The following CATSPERT variants were observed in gnomAD, a reference collection of about 807,000 sequenced individuals.
CATSPERT encodes the protein cation channel sperm-associated targeting subunit tau.
the CATSPERT span, among the ~76,000 whole-genome samples, chr2:201,589,011 A>G: frequency 1.3e-5 from 2 of 152,114 alleles, no homozygotes; most frequent in Admixed American, 6.6e-5. Flanking sequence ...CACAACTGCT[A>G]TAAAAAGAAT....
the CATSPERT span, among the ~76,000 whole-genome samples, chr2:201,500,872 T>A: frequency 6.6e-6 from 1 of 152,244 alleles, no homozygotes; most frequent in Non-Finnish European, 1.5e-5. Flanking sequence ...ATTTATTCTT[T>A]TACAGTAGAA....
At chr2:201,575,047 A>AT in the CATSPERT span, among the ~76,000 whole-genome samples, 1 of 137,018 alleles carries the variant, frequency 7.3e-6, no homozygotes, top group Admixed American at 7.8e-5. Flanking sequence ...AAAAAAAAAA[A>AT]AAAAAGAAGA....
At chr2:201,509,539 A>C in the CATSPERT span, among the ~76,000 whole-genome samples, 1 of 150,826 alleles carries the variant, frequency 6.6e-6, no homozygotes, top group Admixed American at 6.6e-5. Flanking sequence ...GACCCCTCAA[A>C]CCACTTCTGG....
chr2:201,535,174 A>G, the CATSPERT span: 1 of 984,620 alleles, frequency 1.0e-6, no homozygotes, highest in South Asian at 4.7e-5. Flanking sequence ...GTCTTTTGAA[A>G]TTTGGGAGAG....
At chr2:201,562,218 T>C in the CATSPERT span, among the ~76,000 whole-genome samples, 7,928 of 148,842 alleles carry the variant, frequency 0.053, 267 homozygotes, top group African/African-American at 0.077. Flanking sequence ...GATGGAGTCT[T>C]GCACTGTCTC....
the CATSPERT span, chr2:201,554,966 G>A: frequency 6.6e-6 from 1 of 152,094 alleles, no homozygotes; most frequent in South Asian, 2.1e-4. Flanking sequence ...AGTCTTTTAT[G>A]ATTAGCATGC....
At chr2:201,612,402 C>T in the CATSPERT span, among the ~76,000 whole-genome samples, 53 of 151,966 alleles carry the variant, frequency 3.5e-4, no homozygotes, top group South Asian at 1.5e-3. Flanking sequence ...GGCAAAACCC[C>T]ATCTCTACTA....
the CATSPERT span, chr2:201,603,413 T>A: frequency 0.48 from 309,651 of 650,814 alleles, 76,762 homozygotes; most frequent in East Asian, 0.7. Context: ...TTGTTTCTCA[T>A]GAAAAATATC....
At chr2:201,585,336 A>G in the CATSPERT span, among the ~76,000 whole-genome samples, 28 of 151,890 alleles carry the variant, frequency 1.8e-4, no homozygotes, top group African/African-American at 6.8e-4. Context: ...ATACCTATGT[A>G]ACAAACCTGC....
chr2:201,547,490 T>C, the CATSPERT span: 1 of 1,333,592 alleles, frequency 7.5e-7, no homozygotes, highest in Non-Finnish European at 1.1e-6. Flanking sequence ...TAGGAGAATG[T>C]ATTATGTCAA....
the CATSPERT span, among the ~76,000 whole-genome samples, chr2:201,608,486 CT>C: frequency 6.6e-6 from 1 of 152,082 alleles, no homozygotes; most frequent in African/African-American, 2.4e-5. Context: ...AATCAAAATG[CT>C]TTCCCCACTT....
the CATSPERT span, chr2:201,492,363 C>G: frequency 0.01 from 16,026 of 1,534,982 alleles, 99 homozygotes; most frequent in Non-Finnish European, 0.012. Context: ...TAAAAAGACT[C>G]TGGAGGTGTT....
At chr2:201,604,652 T>C in the CATSPERT span, 1 of 1,606,006 alleles carries the variant, frequency 6.2e-7, no homozygotes, top group Non-Finnish European at 8.5e-7. Flanking sequence ...TCCTGTGTTA[T>C]TTCCAGTTCT....
At chr2:201,578,789 TTTC>T in the CATSPERT span, among the ~76,000 whole-genome samples, 1 of 152,164 alleles carries the variant, frequency 6.6e-6, no homozygotes, top group African/African-American at 2.4e-5. Context: ...GCTTCTACAT[TTTC>T]TTCAACAAAA....
At chr2:201,530,502 C>G in the CATSPERT span, among the ~76,000 whole-genome samples, 1 of 152,134 alleles carries the variant, frequency 6.6e-6, no homozygotes, top group South Asian at 2.1e-4. Context: ...ATTCCAAGTA[C>G]AGAATTAGCA....
the CATSPERT span, among the ~76,000 whole-genome samples, chr2:201,510,975 AAG>A: frequency 2.0e-5 from 3 of 152,256 alleles, no homozygotes; most frequent in Non-Finnish European, 4.4e-5. Flanking sequence ...ACATGTAAGT[AAG>A]CAAACACAAC....
chr2:201,552,266 C>T, the CATSPERT span, among the ~76,000 whole-genome samples: 247 of 152,250 alleles, frequency 1.6e-3, 1 homozygote, highest in African/African-American at 5.4e-3. Flanking sequence ...TGAGCCACTG[C>T]GCCCAGCCCT....
At chr2:201,601,957 T>C in the CATSPERT span, 3 of 1,165,244 alleles carry the variant, frequency 2.6e-6, no homozygotes, top group South Asian at 4.7e-5. Context: ...AATTAATACA[T>C]TAAACGATTC....
chr2:201,586,882 C>T, the CATSPERT span, among the ~76,000 whole-genome samples: 2 of 151,868 alleles, frequency 1.3e-5, no homozygotes, highest in African/African-American at 4.8e-5. Context: ...TCTTGATTTC[C>T]TAAAGTTTTA....
Sources: allele counts gnomAD v4.1 joint callset (sites outside exome capture counted in the v4.1 genomes callset), GRCh38; gene constraint gnomAD v4.1.1; transcripts MANE v1.5; gene names NCBI Gene and HGNC (gene_info 2026-07-23, HGNC 2026-07-21).